The following MCUB variants were observed in gnomAD, a reference collection of about 807,000 sequenced individuals.
The protein encoded by MCUB is calcium uniporter regulatory subunit MCUb, mitochondrial.
A neutral mutation model predicts 41.4 loss-of-function variants in MCUB; 46 were observed. The observed-to-expected ratio is 1.11, with a 90% CI of 0.88 to 1.42. The LOEUF is 1.42. Among genes scored for constraint, MCUB ranks in the 40% most tolerant of loss-of-function variants. The probability of loss-of-function intolerance (pLI) is 0.00; values close to 1 mark genes in which losing one functional copy is unlikely to be tolerated. For missense variants in MCUB, 403 were observed against 404.9 expected, an observed-to-expected ratio of 1.00 and a Z score of 0.04; for synonymous variants, 148 against 148.2, an observed-to-expected ratio of 1.00 and a Z score of 0.01.
chr4:109,645,816 T>G (rs1219731477), intron 1 of MCUB, among the ~76,000 whole-genome samples: 1 of 152,180 alleles, frequency 6.6e-6, no homozygotes, highest in Admixed American at 6.6e-5. Flanking sequence ...TACAGCGGTC[T>G]TCCTCCTCAA....
At chr4:109,677,113 T>C (rs1220557908) in intron 4 of MCUB, among the ~76,000 whole-genome samples, 3 of 152,246 alleles carry the variant, frequency 2.0e-5, no homozygotes, top group Admixed American at 6.5e-5. Flanking sequence ...CAAGGTGGCA[T>C]ATGAATTCAA....
chr4:109,675,229 A>G (rs935909419), intron 4 of MCUB, among the ~76,000 whole-genome samples: 8 of 152,258 alleles, frequency 5.3e-5, no homozygotes, highest in Non-Finnish European at 1.0e-4. Flanking sequence ...CTTCTGAAAG[A>G]GCAGAGCCAA....
chr4:109,685,314 C>T lies in MCUB; in HGVS notation c.880C>T (p.Gln294Ter), dbSNP rs764012545. Residue 294 changes from glutamine (Q) to a stop codon, truncating the protein, a stop_gained, in exon 7 of 8, where the codon CAA becomes TAA. Transcript: ENST00000394650. LOFTEE classifies it high-confidence loss of function. ...TCAGTTCTTCCACAAGAAATCAAAG[C>T]AACAGCACTTTGATGTGCAGCAATA... ...FLQFFHKKSK[Q>*]QHFDVQQYNK... 3 of 1,592,430 alleles carry T rather than the reference C, an allele frequency of 1.9e-6. No homozygotes were observed. The highest frequency in any genetic ancestry group is 2.6e-6 in the Non-Finnish European group (3 of 1,160,978).
intron 1 of MCUB, among the ~76,000 whole-genome samples, chr4:109,596,929 CG>C (rs1554016693): frequency 6.6e-6 from 1 of 151,524 alleles, no homozygotes; most frequent in Non-Finnish European, 1.5e-5. Flanking sequence ...GGAGTGGTGA[CG>C]ACTCTTAACA....
Position 109,685,387 on chromosome 4 carries a change from T to C in MCUB, c.933+20T>C, listed in dbSNP as rs1729817310. 1 of 1,044,484 alleles carries C rather than the reference T, an allele frequency of 9.6e-7. No individual in the cohort carries two copies. Among genetic ancestry groups the C allele is most frequent in the African/African-American group, 1.6e-5 (1 of 63,744 alleles). The allele number at this position is 1,044,484 out of a possible 1,614,324, so 64.7% of individuals were successfully genotyped here. On this transcript the variant is annotated intron_variant, in intron 7 of 7. Transcript: ENST00000394650. The stretch of plus-strand genomic sequence containing the variant: ...GCTAAGGTATACTACAAATACATCT[T>C]ATAGCTGGTTTGTTTGGGAGCCAGA...
chr4:109,635,904 T>TTA (rs57605563), intron 1 of MCUB, among the ~76,000 whole-genome samples: 27,817 of 152,098 alleles, frequency 0.18, 3,808 homozygotes, highest in African/African-American at 0.39. Context: ...GCTCTAAACT[T>TTA]TGTTTGTCTT....
intron 1 of MCUB, among the ~76,000 whole-genome samples, chr4:109,623,752 C>A (rs1333938445): frequency 2.6e-5 from 4 of 152,184 alleles, no homozygotes; most frequent in African/African-American, 7.2e-5. Context: ...TAACAAGACA[C>A]CCTGGAGGAC....
chr4:109,668,421 A>C (rs1390900389), intron 4 of MCUB, among the ~76,000 whole-genome samples: 2 of 151,902 alleles, frequency 1.3e-5, no homozygotes, highest in African/African-American at 4.8e-5. Flanking sequence ...TCCTTGCTCT[A>C]ATGTCTGTTT....
At chr4:109,583,766 G>T (rs192403819) in intron 1 of MCUB, among the ~76,000 whole-genome samples, 1 of 152,270 alleles carries the variant, frequency 6.6e-6, no homozygotes, top group East Asian at 1.9e-4. Flanking sequence ...AGAGTTTTTA[G>T]CATGAAAGGG....
At chr4:109,653,396 A>G (rs977022531) in intron 1 of MCUB, among the ~76,000 whole-genome samples, 4 of 151,350 alleles carry the variant, frequency 2.6e-5, no homozygotes, top group Non-Finnish European at 4.4e-5. Context: ...AAAAAAAAAG[A>G]AAGAACTGCC....
At chr4:109,666,893 T>G (rs1729357805) in intron 4 of MCUB, among the ~76,000 whole-genome samples, 1 of 152,210 alleles carries the variant, frequency 6.6e-6, no homozygotes, top group Non-Finnish European at 1.5e-5. Context: ...ATGGATTACA[T>G]GAATTCATAT....
At chr4:109,565,474 G>A (rs949619468) in intron 1 of MCUB, among the ~76,000 whole-genome samples, 2 of 152,098 alleles carry the variant, frequency 1.3e-5, no homozygotes, top group African/African-American at 4.8e-5. Context: ...ATGCCAATGT[G>A]GAAAATTCAG....
chr4:109,626,708 G>C (rs1046648636), intron 1 of MCUB, among the ~76,000 whole-genome samples: 1 of 150,182 alleles, frequency 6.7e-6, no homozygotes. Context: ...ACCTATTCGG[G>C]AGGCTGAGGC....
chr4:109,668,888 G>T (rs1363793794), intron 4 of MCUB, among the ~76,000 whole-genome samples: 1 of 151,792 alleles, frequency 6.6e-6, no homozygotes, highest in African/African-American at 2.4e-5. Context: ...ACATTATATT[G>T]CTTCACGGCT....
intron 1 of MCUB, among the ~76,000 whole-genome samples, chr4:109,607,600 T>C (rs1253706339): frequency 6.6e-6 from 1 of 152,254 alleles, no homozygotes; most frequent in Non-Finnish European, 1.5e-5. Flanking sequence ...CAACTTTTGT[T>C]TGTCTGGGAA....
At chr4:109,561,338 T>C (rs1226412213) in intron 1 of MCUB, among the ~76,000 whole-genome samples, 2 of 152,244 alleles carry the variant, frequency 1.3e-5, no homozygotes, top group African/African-American at 2.4e-5. Context: ...GTGATTCTCT[T>C]GTCACTTTCA....
At chr4:109,597,420 C>T (rs1247648303) in intron 1 of MCUB, among the ~76,000 whole-genome samples, 68 of 145,122 alleles carry the variant, frequency 4.7e-4, no homozygotes, top group Admixed American at 2.2e-3. Flanking sequence ...GCTGACCCCC[C>T]CACCTCCCTC....
intron 1 of MCUB, among the ~76,000 whole-genome samples, chr4:109,603,596 C>T (rs1205464598): frequency 1.3e-5 from 2 of 151,700 alleles, no homozygotes; most frequent in African/African-American, 4.8e-5. Flanking sequence ...CTGGCCGCCA[C>T]CCTGTCTGGG....
chr4:109,574,055 G>A (rs1005785450), intron 1 of MCUB, among the ~76,000 whole-genome samples: 22 of 151,618 alleles, frequency 1.5e-4, no homozygotes, highest in Non-Finnish European at 2.8e-4. Flanking sequence ...TGCGTTTTTA[G>A]TACAATCAGA....
Sources: gnomAD v4.1 joint callset for allele counts (sites outside exome capture counted in the v4.1 genomes callset) on GRCh38, gnomAD v4.1.1 for gene constraint, MANE v1.5 for transcripts, NCBI Gene and HGNC (gene_info 2026-07-23, HGNC 2026-07-21) for gene names.